Variants in DCC observed in about 807,000 individuals in gnomAD.
DCC encodes DCC netrin 1 receptor.
DCC carries 58 observed loss-of-function variants against 172.5 expected under a neutral mutation model. The observed-to-expected ratio is 0.34, with a 90% CI of 0.27 to 0.42. The LOEUF is 0.42. DCC is among the 10% of genes least tolerant of loss of function. DCC has a pLI of 1.00. For synonymous variants in DCC, 709 were observed against 644.5 expected, an observed-to-expected ratio of 1.10 and a Z score of -1.52; for missense variants, 1,740 against 1,791.0, an observed-to-expected ratio of 0.97 and a Z score of 0.51.
intron 5 of DCC, among the ~76,000 whole-genome samples, chr18:53,057,530 A>G (rs1162725841): frequency 6.6e-6 from 1 of 152,134 alleles, no homozygotes; most frequent in Admixed American, 6.6e-5. Context: ...CAAAGGTCCT[A>G]GGAAACCCAG....
chr18:52,368,038 T>C (rs1280021996), intron 1 of DCC, among the ~76,000 whole-genome samples: 2 of 152,226 alleles, frequency 1.3e-5, no homozygotes, highest in African/African-American at 4.8e-5. Flanking sequence ...TTGCAGGTTT[T>C]GGACCTTTTC....
At chr18:53,131,342 G>T (rs1216647102) in intron 7 of DCC, among the ~76,000 whole-genome samples, 1 of 152,058 alleles carries the variant, frequency 6.6e-6, no homozygotes, top group Non-Finnish European at 1.5e-5. Context: ...TTCTGGAGAA[G>T]AATATTCAAA....
intron 1 of DCC, among the ~76,000 whole-genome samples, chr18:52,541,879 A>ATATATATATATGTATATATATATATATG (rs2032465089): frequency 7.3e-6 from 1 of 136,248 alleles, no homozygotes; most frequent in Non-Finnish European, 1.6e-5. Flanking sequence ...GTGTGTGTAT[A>ATATATATATATGTATATATATATATATG]TATATATATA....
intron 5 of DCC, among the ~76,000 whole-genome samples, chr18:53,039,731 C>G (rs1186341656): frequency 2.0e-5 from 3 of 151,874 alleles, no homozygotes; most frequent in East Asian, 1.9e-4. Flanking sequence ...TTGGTAGGAC[C>G]CCAGAGAATT....
intron 1 of DCC, among the ~76,000 whole-genome samples, chr18:52,380,527 C>T (rs1985540970): frequency 1.3e-5 from 2 of 152,064 alleles, no homozygotes; most frequent in Admixed American, 6.6e-5. Flanking sequence ...CCATTCCCCA[C>T]TTTCGAAACA....
At chr18:52,775,823 C>A (rs72918072) in intron 2 of DCC, among the ~76,000 whole-genome samples, 195 of 152,316 alleles carry the variant, frequency 1.3e-3, no homozygotes, top group Non-Finnish European at 2.2e-3. Flanking sequence ...TTGGAAAATG[C>A]AACATTTGGG....
At chr18:53,115,725 A>G (rs985515178) in intron 7 of DCC, among the ~76,000 whole-genome samples, 1 of 151,654 alleles carries the variant, frequency 6.6e-6, no homozygotes, top group African/African-American at 2.4e-5. Context: ...ATTCTCATTC[A>G]TTTAATGTGT....
At chr18:52,374,430 G>A (rs1382512099) in intron 1 of DCC, among the ~76,000 whole-genome samples, 8 of 151,876 alleles carry the variant, frequency 5.3e-5, no homozygotes, top group East Asian at 1.9e-4. Context: ...TTAGCCCCTC[G>A]GTGCTTAGAA....
chr18:53,335,796 C>A (rs2057584801), intron 14 of DCC, among the ~76,000 whole-genome samples: 1 of 152,118 alleles, frequency 6.6e-6, no homozygotes, highest in South Asian at 2.1e-4. Flanking sequence ...AATGGACTCA[C>A]AGCTCCACAT....
intron 8 of DCC, among the ~76,000 whole-genome samples, chr18:53,161,778 T>G (rs1022561434): frequency 6.6e-6 from 1 of 152,178 alleles, no homozygotes; most frequent in Non-Finnish European, 1.5e-5. Context: ...CGTAGTTAAT[T>G]TTTAATTCTT....
At position 52,486,533 on chromosome 18, in the gene DCC, C is replaced by A. The variant is rs557265744; in HGVS notation, c.91+145655C>A. ...GTGATAGCAAAGAAACAAACAATCACTGAAGAGATTTGTTTCTCTTTTAAT... is the reference window on the plus strand; with the variant it reads ...GTGATAGCAAAGAAACAAACAATCAATGAAGAGATTTGTTTCTCTTTTAAT... On this transcript the variant is annotated intron_variant, in intron 1 of 28. Coordinates refer to ENST00000442544, the MANE Select transcript of DCC (RefSeq NM_005215.4). Among the ~76,000 whole-genome samples, 5 of 152,210 alleles carry A rather than the reference C, an allele frequency of 3.3e-5. No individual in the cohort carries two copies. The East Asian group carries it at 9.7e-4, about 29-fold the overall frequency.
intron 13 of DCC, among the ~76,000 whole-genome samples, chr18:53,316,717 G>A (rs548080469): frequency 2.6e-5 from 4 of 152,172 alleles, no homozygotes; most frequent in African/African-American, 9.6e-5. Flanking sequence ...TCTCTTTGTA[G>A]CAATTGTGAA....
Position 53,492,156 on chromosome 18 carries a change from AT to A in DCC, c.3898+5207del, listed in dbSNP as rs535923123. On this transcript the variant is annotated intron_variant, in intron 26 of 28. Transcript: ENST00000442544. ...TATCCTTTGCCCACTTTTTGATGGG[AT>A]TTTTTTTTATTGTAAATTTGTTTAA... is the stretch of plus-strand genomic sequence containing the variant. 2.1e-3 allele frequency among the ~76,000 whole-genome samples: 322 copies of A among 150,312 alleles called. 4 individuals are homozygous for A. Among genetic ancestry groups the A allele is most frequent in the Middle Eastern group, 0.01 (3 of 292 alleles).
At chr18:53,344,174 G>A (rs999869629) in intron 15 of DCC, among the ~76,000 whole-genome samples, 1 of 151,448 alleles carries the variant, frequency 6.6e-6, no homozygotes, top group Non-Finnish European at 1.5e-5. Context: ...TTTAGTTCTG[G>A]TCTTCTCTTC....
At chr18:52,757,618 C>G (rs2145142881) in intron 2 of DCC, among the ~76,000 whole-genome samples, 1 of 152,028 alleles carries the variant, frequency 6.6e-6, no homozygotes, top group East Asian at 1.9e-4. Flanking sequence ...ACAGGCTCCT[C>G]CAAGGGTAAA....
chr18:52,459,615 C>T (rs574003788), intron 1 of DCC, among the ~76,000 whole-genome samples: 166 of 151,976 alleles, frequency 1.1e-3, no homozygotes, highest in African/African-American at 3.9e-3. Context: ...CTACAGGTGC[C>T]CGCCACCACG....
intron 25 of DCC, among the ~76,000 whole-genome samples, chr18:53,481,913 G>A (rs2045836342): frequency 6.6e-6 from 1 of 152,170 alleles, no homozygotes; most frequent in Non-Finnish European, 1.5e-5. Context: ...TCAATTGTCA[G>A]AAAGCTGTGT....
chr18:53,403,551 G>A (rs1482904176), intron 19 of DCC, among the ~76,000 whole-genome samples: 1 of 152,148 alleles, frequency 6.6e-6, no homozygotes, highest in Non-Finnish European at 1.5e-5. Flanking sequence ...TTCTATCAGA[G>A]ATTTTGCATT....
chr18:52,735,854 A>G (rs1217221264), intron 1 of DCC, among the ~76,000 whole-genome samples: 1 of 152,122 alleles, frequency 6.6e-6, no homozygotes, highest in Admixed American at 6.6e-5. Flanking sequence ...GCATACTTCA[A>G]TTCAATCAAG....
Sources: gnomAD v4.1 joint callset for allele counts (sites outside exome capture counted in the v4.1 genomes callset) on GRCh38, gnomAD v4.1.1 for gene constraint, MANE v1.5 for transcripts, NCBI Gene and HGNC (gene_info 2026-07-23, HGNC 2026-07-21) for gene names.